The following SORCS3 variants were observed in gnomAD, a reference collection of about 807,000 sequenced individuals.
SORCS3 encodes VPS10 domain-containing receptor SorCS3.
SORCS3 carries 57 observed loss-of-function variants against 146.3 expected under a neutral mutation model. The ratio of observed to expected loss-of-function variants is 0.39; its 90% CI spans 0.31 to 0.49. SORCS3 has a LOEUF of 0.49. Among genes scored for constraint, SORCS3 ranks in the 20% least tolerant of loss-of-function variants. SORCS3 has a pLI of 0.92. For missense variants in SORCS3, 1,341 were observed against 1,575.5 expected (o/e 0.85, Z 2.52); for synonymous variants, 653 against 618.5 (o/e 1.06, Z -0.83).
rs1350299700 is a variant in SORCS3 at position 105,223,219 on chromosome 10, C to T, written c.2838C>T (p.Thr946=). 2 of 1,612,500 alleles carry T rather than the reference C, an allele frequency of 1.2e-6. No homozygotes were observed. The highest frequency in any genetic ancestry group is 1.7e-6 in the Non-Finnish European group (2 of 1,178,844). The change falls in exon 20 of 27, where the codon ACC becomes ACT. Residue 946 remains threonine (T), a synonymous_variant. Coordinates refer to ENST00000369701, the MANE Select transcript of SORCS3 (RefSeq NM_014978.3). The part of the protein sequence containing the change: ...VVWPSQLGTL[T]YFWWFGNSTK... ...GGCCCAGTCAACTGGGGACCCTTACCTATTTCTGGTGGTTCGGCAATAGCA... is the reference window on the plus strand; with the variant it reads ...GGCCCAGTCAACTGGGGACCCTTACTTATTTCTGGTGGTTCGGCAATAGCA...
intron 1 of SORCS3, among the ~76,000 whole-genome samples, chr10:104,801,997 A>G (rs1436347181): frequency 6.6e-6 from 1 of 152,216 alleles, no homozygotes; most frequent in African/African-American, 2.4e-5. Context: ...CTCACTAAGC[A>G]ATTGCTCACA....
intron 2 of SORCS3, among the ~76,000 whole-genome samples, chr10:104,909,144 C>A (rs2018939837): frequency 6.6e-6 from 1 of 152,188 alleles, no homozygotes; most frequent in East Asian, 1.9e-4. Flanking sequence ...TTTCATTTTG[C>A]TATTGTGCTT....
At chr10:104,782,192 G>A (rs2017381542) in intron 1 of SORCS3, among the ~76,000 whole-genome samples, 1 of 152,188 alleles carries the variant, frequency 6.6e-6, no homozygotes, top group Non-Finnish European at 1.5e-5. Flanking sequence ...TGTTTCCAGT[G>A]ACTGACAGGC....
chr10:104,915,249 C>T (rs1286617581), intron 2 of SORCS3, among the ~76,000 whole-genome samples: 1 of 152,150 alleles, frequency 6.6e-6, no homozygotes, highest in African/African-American at 2.4e-5. Flanking sequence ...CCTGGACACA[C>T]CCACATCGTT....
At chr10:104,701,501 A>C (rs1457670754) in intron 1 of SORCS3, among the ~76,000 whole-genome samples, 1 of 152,222 alleles carries the variant, frequency 6.6e-6, no homozygotes, top group Admixed American at 6.5e-5. Context: ...TGGAGAGCCC[A>C]TTCAAATCCA....
chr10:104,733,965 G>A (rs1203316482), intron 1 of SORCS3, among the ~76,000 whole-genome samples: 3 of 152,158 alleles, frequency 2.0e-5, no homozygotes, highest in Non-Finnish European at 4.4e-5. Context: ...AGCTTTATAA[G>A]GGTCCTGATG....
intron 14 of SORCS3, among the ~76,000 whole-genome samples, chr10:105,190,307 T>C (rs2056508070): frequency 6.6e-6 from 1 of 152,250 alleles, no homozygotes; most frequent in Non-Finnish European, 1.5e-5. Context: ...AGTTTCCTCA[T>C]CTGTTAAATG....
At chr10:104,853,923 T>C (rs2018301247) in intron 2 of SORCS3, among the ~76,000 whole-genome samples, 2 of 152,200 alleles carry the variant, frequency 1.3e-5, no homozygotes, top group Admixed American at 1.3e-4. Flanking sequence ...ATACCACTTA[T>C]AAAAACCTTG....
At chr10:105,104,736 T>C (rs1040096036) in intron 6 of SORCS3, among the ~76,000 whole-genome samples, 4 of 152,238 alleles carry the variant, frequency 2.6e-5, no homozygotes, top group African/African-American at 9.6e-5. Flanking sequence ...CATTGTTCTG[T>C]GCAGTATGGC....
chr10:105,165,093 C>G (rs1049715940), intron 12 of SORCS3, among the ~76,000 whole-genome samples: 1 of 152,038 alleles, frequency 6.6e-6, no homozygotes, highest in Non-Finnish European at 1.5e-5. Context: ...TAAATACTCT[C>G]TTATGGCTAC....
chr10:104,966,503 A>G (rs982365895), intron 3 of SORCS3, among the ~76,000 whole-genome samples: 34 of 152,192 alleles, frequency 2.2e-4, no homozygotes, highest in African/African-American at 8.2e-4. Flanking sequence ...CTTTTTTTAT[A>G]TTTAGAGAAA....
rs117155922 is a variant in SORCS3, at chr10:104,831,222, T to C, written c.628-11570T>C. 6.5e-3 allele frequency among the ~76,000 whole-genome samples: 995 copies of C among 152,334 alleles called. 3 individuals are homozygous for C. The highest frequency in any genetic ancestry group is 0.024 in the Middle Eastern group (7 of 294). On this transcript the variant is annotated intron_variant, in intron 1 of 26. Coordinates refer to ENST00000369701, the MANE Select transcript of SORCS3 (RefSeq NM_014978.3). Reference sequence around the variant, plus strand: ...TAGTTGCTAAACCTTCTCTGGGTAATGTTAATTGCTTTGTAGACCTATTAC... The same window carrying C: ...TAGTTGCTAAACCTTCTCTGGGTAACGTTAATTGCTTTGTAGACCTATTAC...
intron 2 of SORCS3, among the ~76,000 whole-genome samples, chr10:104,882,936 A>C (rs2018645427): frequency 6.6e-6 from 1 of 152,212 alleles, no homozygotes; most frequent in African/African-American, 2.4e-5. Context: ...ATTTTTGGTG[A>C]AGTGTGGAAG....
rs566700157 is a variant in SORCS3 at position 105,115,529 on chromosome 10, C to T, written c.1212+10014C>T. Among the ~76,000 whole-genome samples, 229 of 152,276 alleles carry T rather than the reference C, an allele frequency of 1.5e-3. 7 individuals are homozygous for T. In the South Asian group the frequency reaches 0.046, roughly 31 times the overall value. ...CAACATATGTGCATGATAAAAGCTT[C>T]CCACATAGCTTCCATGGTGTTGGTT... On this transcript the variant is annotated intron_variant, in intron 7 of 26. Transcript: ENST00000369701.
chr10:104,855,909 A>AT (rs907864132), intron 2 of SORCS3, among the ~76,000 whole-genome samples: 1 of 151,730 alleles, frequency 6.6e-6, no homozygotes, highest in South Asian at 2.1e-4. Flanking sequence ...CTGATTTCTA[A>AT]TTTTTTTGTA....
Position 105,160,539 on chromosome 10 carries a change from A to C in SORCS3, c.1732+1545A>C, listed in dbSNP as rs994147100. Among the ~76,000 whole-genome samples, 3 of 152,122 alleles carry C rather than the reference A, an allele frequency of 2.0e-5. No individual in the cohort carries two copies. In the East Asian group the frequency reaches 5.8e-4, roughly 29 times the overall value. On this transcript the variant is annotated intron_variant, in intron 11 of 26. Transcript: ENST00000369701. ...CTACTAGGGAGGCTGAGGCAGTAGT[A>C]TTGCTTGAACCCAGGAGGCAGAGGT... is the stretch of plus-strand genomic sequence containing the variant.
intron 1 of SORCS3, among the ~76,000 whole-genome samples, chr10:104,677,856 GAA>G (rs1491193402): frequency 2.0e-5 from 3 of 152,196 alleles, no homozygotes; most frequent in African/African-American, 7.2e-5. Flanking sequence ...CATAGGGGGT[GAA>G]GAGAGAGAGA....
intron 1 of SORCS3, among the ~76,000 whole-genome samples, chr10:104,726,565 C>G (rs931270362): frequency 6.6e-6 from 1 of 152,088 alleles, no homozygotes; most frequent in South Asian, 2.1e-4. Flanking sequence ...TTTGTGCCAT[C>G]CCACCATATG....
chr10:105,100,068 T>G (rs935568441), intron 6 of SORCS3, among the ~76,000 whole-genome samples: 7 of 152,174 alleles, frequency 4.6e-5, no homozygotes, highest in Non-Finnish European at 8.8e-5. Context: ...AAGACATGGA[T>G]GCTGGCTCCA....
Sources: gnomAD v4.1 joint callset for allele counts (sites outside exome capture counted in the v4.1 genomes callset) on GRCh38, gnomAD v4.1.1 for gene constraint, MANE v1.5 for transcripts, NCBI Gene and HGNC (gene_info 2026-07-23, HGNC 2026-07-21) for gene names.